CCDC102B: variants seen among roughly 807,000 people sequenced by gnomAD.
The protein encoded by CCDC102B is coiled-coil domain-containing protein 102B.
Under a neutral mutation model 57.4 loss-of-function variants are expected in CCDC102B, and 75 were observed. The observed-to-expected ratio is 1.31, with a 90% CI of 1.08 to 1.58. The LOEUF is 1.58. Ranked by LOEUF, CCDC102B falls within the 40% of genes most tolerant of loss-of-function variation. The probability of loss-of-function intolerance (pLI) is 0.00; values close to 1 mark genes in which losing one functional copy is unlikely to be tolerated. For synonymous variants in CCDC102B, 206 were observed against 201.9 expected (o/e 1.02, Z -0.17); for missense variants, 636 against 582.6 (o/e 1.09, Z -0.94).
intron 6 of CCDC102B, among the ~76,000 whole-genome samples, chr18:68,946,447 A>T (rs1315686226): frequency 2.0e-5 from 3 of 152,034 alleles, no homozygotes; most frequent in Admixed American, 6.6e-5. Context: ...AACAGTTGAG[A>T]ATTATGGCTT....
At chr18:68,977,095 T>G (rs2145278920) in intron 6 of CCDC102B, among the ~76,000 whole-genome samples, 1 of 152,142 alleles carries the variant, frequency 6.6e-6, no homozygotes, top group South Asian at 2.1e-4. Context: ...TAATTGCATC[T>G]TATTTTAATT....
intron 2 of CCDC102B, among the ~76,000 whole-genome samples, chr18:68,789,100 G>T (rs899215723): frequency 5.9e-5 from 9 of 152,078 alleles, no homozygotes; most frequent in Non-Finnish European, 8.8e-5. Flanking sequence ...GCTTAGTTTG[G>T]CTGGATATGA....
At chr18:68,846,254 C>T in intron 3 of CCDC102B, 59 bp from the exon 4 acceptor site, 1 of 1,105,834 alleles carries the variant, frequency 9.0e-7, no homozygotes. Flanking sequence ...TGAATGCATC[C>T]TTGAAAGTAT....
intron 4 of CCDC102B, among the ~76,000 whole-genome samples, chr18:68,851,259 T>C (rs1441707731): frequency 1.3e-5 from 2 of 152,196 alleles, no homozygotes; most frequent in African/African-American, 4.8e-5. Flanking sequence ...ATGAGTCTAC[T>C]GCCCTCCATC....
chr18:68,782,357 T>TAC (rs1568247130), intron 2 of CCDC102B, among the ~76,000 whole-genome samples: 2 of 152,016 alleles, frequency 1.3e-5, no homozygotes, highest in South Asian at 2.1e-4. Context: ...TATATATATA[T>TAC]ACACATACAC....
chr18:68,762,409 G>GT (rs1568237173), intron 2 of CCDC102B, among the ~76,000 whole-genome samples: 2 of 151,080 alleles, frequency 1.3e-5, no homozygotes, highest in African/African-American at 4.9e-5. Flanking sequence ...TTTGTTTTTG[G>GT]TTTTTTTTCT....
intron 2 of CCDC102B, among the ~76,000 whole-genome samples, chr18:68,742,202 G>A (rs1194929166): frequency 6.6e-6 from 1 of 152,138 alleles, no homozygotes; most frequent in African/African-American, 2.4e-5. Context: ...TTAGCTTCTG[G>A]TGATGGCTGG....
At chr18:68,938,496 ATT>A (rs1178216231) in intron 6 of CCDC102B, among the ~76,000 whole-genome samples, 1 of 151,852 alleles carries the variant, frequency 6.6e-6, no homozygotes, top group African/African-American at 2.4e-5. Flanking sequence ...TTGGTTTTAT[ATT>A]GACTGTTTTA....
chr18:69,008,821 T>C (rs901853352), intron 6 of CCDC102B, among the ~76,000 whole-genome samples: 7 of 152,242 alleles, frequency 4.6e-5, no homozygotes, highest in Non-Finnish European at 1.0e-4. Flanking sequence ...TTTCTTCTAA[T>C]ACCATACACT....
At chr18:68,901,511 G>A (rs1012860483) in intron 6 of CCDC102B, among the ~76,000 whole-genome samples, 1 of 152,068 alleles carries the variant, frequency 6.6e-6, no homozygotes, top group Non-Finnish European at 1.5e-5. Context: ...ATGTGACAGA[G>A]TTAGGTACAG....
chr18:68,846,492 G>A lies in CCDC102B; in HGVS notation c.936+71G>A, dbSNP rs2037867791. 11 of 959,098 alleles carry A rather than the reference G, an allele frequency of 1.1e-5. No homozygotes were observed. The South Asian group carries it at 1.7e-4, about 15-fold the overall frequency. The allele number at this position is 959,098 out of a possible 1,614,324, so 59.4% of individuals were successfully genotyped here. ...TCTTTCTTTGGATATGTAAGCATGT[G>A]GGCAGAAAGGCACAACAGATAAGAG... On this transcript the variant is annotated intron_variant, in intron 4 of 7. Transcript: ENST00000360242.
chr18:68,888,229 T>G (rs1207531106), intron 5 of CCDC102B, among the ~76,000 whole-genome samples: 1 of 152,146 alleles, frequency 6.6e-6, no homozygotes, highest in Non-Finnish European at 1.5e-5. Flanking sequence ...AAATACATAA[T>G]GAATGAGCAC....
intron 1 of CCDC102B, among the ~76,000 whole-genome samples, chr18:68,826,414 G>C (rs2144753495): frequency 6.6e-6 from 1 of 152,258 alleles, no homozygotes; most frequent in Admixed American, 6.5e-5. Context: ...CATGGCTCTT[G>C]GGTTCATCAG....
At chr18:68,737,679 G>A (rs1015412682) in intron 2 of CCDC102B, among the ~76,000 whole-genome samples, 1 of 152,182 alleles carries the variant, frequency 6.6e-6, no homozygotes, top group Admixed American at 6.5e-5. Flanking sequence ...GATCACCAGA[G>A]TGCAAGATAT....
At chr18:68,802,630 G>A (rs919498913) in intron 1 of CCDC102B, among the ~76,000 whole-genome samples, 2 of 152,178 alleles carry the variant, frequency 1.3e-5, no homozygotes, top group African/African-American at 2.4e-5. Context: ...TGAATGCAAA[G>A]CTCTGGTCCT....
chr18:68,795,988 CT>C (rs1432103055), upstream of CCDC102B, among the ~76,000 whole-genome samples: 1 of 152,096 alleles, frequency 6.6e-6, no homozygotes, highest in East Asian at 1.9e-4. Context: ...AAAACATAAT[CT>C]AGAAAAGTTG....
intron 2 of CCDC102B, among the ~76,000 whole-genome samples, chr18:68,788,983 A>G (rs1258129213): frequency 6.6e-6 from 1 of 151,958 alleles, no homozygotes; most frequent in African/African-American, 2.4e-5. Context: ...GTTCCTTTCC[A>G]TGTTTAGTGC....
chr18:69,055,297 A>C, downstream of CCDC102B: 1 of 326,016 alleles, frequency 3.1e-6, no homozygotes, highest in Non-Finnish European at 4.4e-6. Flanking sequence ...TGAGGGGCAA[A>C]GAGGCCCGAT....
At chr18:68,905,897 C>G (rs373075819) in intron 6 of CCDC102B, among the ~76,000 whole-genome samples, 1 of 145,664 alleles carries the variant, frequency 6.9e-6, no homozygotes, top group Non-Finnish European at 1.5e-5. Flanking sequence ...GGGTTCACGC[C>G]GTTCTCCTGC....
Sources: gnomAD v4.1 joint callset for allele counts (sites outside exome capture counted in the v4.1 genomes callset) on GRCh38, gnomAD v4.1.1 for gene constraint, MANE v1.5 for transcripts, NCBI Gene and HGNC (gene_info 2026-07-23, HGNC 2026-07-21) for gene names.